Variants in SPTBN1 observed in about 807,000 individuals in gnomAD.
SPTBN1 encodes the protein spectrin beta chain, non-erythrocytic 1.
Under a neutral mutation model 266.4 loss-of-function variants are expected in SPTBN1, and 32 were observed. The observed-to-expected ratio is 0.12, with a 90% CI of 0.09 to 0.16. The LOEUF (loss-of-function observed/expected upper bound fraction) is 0.16. SPTBN1 is among the 10% of genes least tolerant of loss of function. SPTBN1 has a pLI of 1.00. For missense variants in SPTBN1, 2,296 were observed against 3,067.1 expected (o/e 0.75, Z 5.94); for synonymous variants, 1,336 against 1,162.2 (o/e 1.15, Z -3.04).
At chr2:54,465,428 G>C (rs1465162036) in intron 1 of SPTBN1, among the ~76,000 whole-genome samples, 2 of 152,136 alleles carry the variant, frequency 1.3e-5, no homozygotes, top group East Asian at 3.9e-4. Context: ...AGAAATGAAG[G>C]TAAAATTCCA....
At chr2:54,633,433 G>GTGTGTC (rs1553347573) in intron 17 of SPTBN1, among the ~76,000 whole-genome samples, 2 of 151,802 alleles carry the variant, frequency 1.3e-5, no homozygotes, top group South Asian at 2.1e-4. Context: ...GTGCGTGTGT[G>GTGTGTC]TGTCTGTCTG....
At chr2:54,489,769 T>C (rs1370933133) in intron 1 of SPTBN1, among the ~76,000 whole-genome samples, 1 of 152,218 alleles carries the variant, frequency 6.6e-6, no homozygotes, top group Non-Finnish European at 1.5e-5. Context: ...TAAGAGCTTT[T>C]ACAAAGAGCG....
At chr2:54,465,450 T>C (rs893164925) in intron 1 of SPTBN1, among the ~76,000 whole-genome samples, 2 of 152,152 alleles carry the variant, frequency 1.3e-5, no homozygotes, top group African/African-American at 4.8e-5. Flanking sequence ...GTGAACATTT[T>C]AAAATAAAAA....
chr2:54,671,437 C>T lies in SPTBN1; in HGVS notation c.*2868C>T, dbSNP rs903819497. The stretch of plus-strand genomic sequence containing the variant: ...GTCGGAATTCTTAAATAAAGACATA[C>T]TTCCCTTCATGTAGTGGTGCAGTCC... On this transcript the variant is annotated 3_prime_UTR_variant, in exon 36 of 36. Transcript: ENST00000356805. The T allele has an allele frequency of 2.0e-5, 3 of 152,188 alleles. No individual in the cohort carries two copies. The highest frequency in any genetic ancestry group is 7.2e-5 in the African/African-American group (3 of 41,442). 9.4% of individuals were successfully genotyped at this position (152,188 alleles called of 1,614,324 possible). A position where few individuals can be genotyped will look rare whatever the true frequency, so the allele number is the denominator to read the frequency against.
chr2:54,612,091 A>T, intron 3 of SPTBN1, 70 bp from the exon 4 acceptor site: 1 of 1,430,978 alleles, frequency 7.0e-7, no homozygotes, highest in Non-Finnish European at 9.5e-7. Context: ...ACATGTGACT[A>T]GGCAGTAACT....
chr2:54,612,718 C>T (rs1204078415), intron 4 of SPTBN1, among the ~76,000 whole-genome samples: 1 of 152,128 alleles, frequency 6.6e-6, no homozygotes, highest in Non-Finnish European at 1.5e-5. Context: ...GCTTAGACTG[C>T]CTCAACTTCA....
intron 4 of SPTBN1, among the ~76,000 whole-genome samples, chr2:54,613,568 G>A (rs1321664832): frequency 6.6e-6 from 1 of 152,188 alleles, no homozygotes; most frequent in African/African-American, 2.4e-5. Context: ...ATCATCTGAT[G>A]CCTTTGGGAA....
At chr2:54,541,349 A>G (rs1430941515) in intron 2 of SPTBN1, among the ~76,000 whole-genome samples, 1 of 152,232 alleles carries the variant, frequency 6.6e-6, no homozygotes, top group African/African-American at 2.4e-5. Flanking sequence ...CATTTGAAGG[A>G]AGGCCAGTGT....
intron 2 of SPTBN1, among the ~76,000 whole-genome samples, chr2:54,539,556 T>C (rs934966287): frequency 9.2e-5 from 14 of 152,214 alleles, no homozygotes; most frequent in Non-Finnish European, 2.1e-4. Context: ...TACTTTTTTG[T>C]TGAGACAGGG....
intron 3 of SPTBN1, among the ~76,000 whole-genome samples, chr2:54,611,732 C>T (rs182244253): frequency 1.1e-4 from 17 of 152,166 alleles, no homozygotes; most frequent in Admixed American, 2.6e-4. Context: ...TCATTTTGAG[C>T]CAAGCTTAAG....
chr2:54,472,009 G>A (rs1693947172), intron 1 of SPTBN1, among the ~76,000 whole-genome samples: 1 of 144,748 alleles, frequency 6.9e-6, no homozygotes, highest in African/African-American at 2.6e-5. Flanking sequence ...ATAAAAACTG[G>A]GGCCCTGAAG....
At chr2:54,466,273 G>T (rs922279944) in intron 1 of SPTBN1, among the ~76,000 whole-genome samples, 4 of 152,114 alleles carry the variant, frequency 2.6e-5, no homozygotes, top group Admixed American at 1.3e-4. Flanking sequence ...TGAAATTTAG[G>T]ATGATATATA....
rs73934514 is a variant in SPTBN1, at chr2:54,668,714, G to C, written c.*145G>C. On this transcript the variant is annotated 3_prime_UTR_variant, in exon 36 of 36. Transcript: ENST00000356805. Reference sequence around the variant, plus strand: ...TTTTTTTAATTTATAGAGCATTTCGGGGGGGGTGGGGGAAACACACCTAAA... The same window carrying C: ...TTTTTTTAATTTATAGAGCATTTCGCGGGGGGTGGGGGAAACACACCTAAA... 2.9e-5 allele frequency: 20 copies of C among 683,524 alleles called. 1 individual carries two copies. The highest frequency in any genetic ancestry group is 4.1e-5 in the Non-Finnish European group (18 of 438,650). The allele number at this position is 683,524 out of a possible 1,614,324, so 42.3% of individuals were successfully genotyped here. A position where few individuals can be genotyped will look rare whatever the true frequency, so the allele number is the denominator to read the frequency against.
At chr2:54,623,442 TC>T (rs771099651) in intron 9 of SPTBN1, 36 bp from the exon 10 acceptor site, 2 of 1,592,734 alleles carry the variant, frequency 1.3e-6, no homozygotes, top group South Asian at 1.1e-5. Flanking sequence ...AATTTTTTTT[TC>T]TCCAGTACCA....
intron 15 of SPTBN1, 33 bp downstream of exon 15, chr2:54,630,062 C>A: frequency 6.2e-7 from 1 of 1,604,740 alleles, no homozygotes; most frequent in East Asian, 2.3e-5. Context: ...GCCAGCCTCC[C>A]ACGTGTGGGA....
chr2:54,619,871 C>A (rs1264467069), intron 7 of SPTBN1, among the ~76,000 whole-genome samples: 1 of 152,142 alleles, frequency 6.6e-6, no homozygotes, highest in Non-Finnish European at 1.5e-5. Context: ...AGCAGTGTGT[C>A]CTGATGTTCT....
intron 19 of SPTBN1, 99 bp from the exon 20 acceptor site, chr2:54,644,224 G>C: frequency 6.8e-7 from 1 of 1,462,006 alleles, no homozygotes; most frequent in Non-Finnish European, 9.3e-7. Flanking sequence ...TGAGTGAATG[G>C]TTAAATCACA....
chr2:54,589,998 GA>G (rs1162887151), intron 2 of SPTBN1, among the ~76,000 whole-genome samples: 1 of 152,154 alleles, frequency 6.6e-6, no homozygotes, highest in Non-Finnish European at 1.5e-5. Context: ...CAATTGACCT[GA>G]TTGGGTCATG....
chr2:54,495,132 G>C (rs1668895983), intron 1 of SPTBN1, among the ~76,000 whole-genome samples: 1 of 150,596 alleles, frequency 6.6e-6, no homozygotes, highest in East Asian at 2.0e-4. Context: ...GTGTAGAGAG[G>C]GCATCTCAGA....
Sources: gnomAD v4.1 joint callset for allele counts (sites outside exome capture counted in the v4.1 genomes callset) on GRCh38, gnomAD v4.1.1 for gene constraint, MANE v1.5 for transcripts, NCBI Gene and HGNC (gene_info 2026-07-23, HGNC 2026-07-21) for gene names.